PCDH15: variants seen among roughly 807,000 people sequenced by gnomAD.
The protein encoded by PCDH15 is protocadherin-15.
Under a neutral mutation model 178.5 loss-of-function variants are expected in PCDH15, and 129 were observed. That is an observed-to-expected ratio of 0.72 (90% CI 0.63 to 0.84). The LOEUF (loss-of-function observed/expected upper bound fraction) is 0.84, where lower values mean the gene tolerates loss of function less well. Ranked by LOEUF, PCDH15 falls within the 40% of genes least tolerant of loss-of-function variation. The pLI, the probability that PCDH15 is intolerant of heterozygous loss-of-function variation, is 0.00. For synonymous variants in PCDH15, 800 were observed against 732.0 expected (o/e 1.09, Z -1.50); for missense variants, 2,230 against 2,099.9 (o/e 1.06, Z -1.21).
At chr10:54,546,300 G>T (rs1269801036) in intron 2 of PCDH15, among the ~76,000 whole-genome samples, 3 of 152,138 alleles carry the variant, frequency 2.0e-5, no homozygotes, top group Non-Finnish European at 2.9e-5. Flanking sequence ...AATAAATTTT[G>T]ATGGGATGAG....
intron 26 of PCDH15, among the ~76,000 whole-genome samples, chr10:53,898,135 T>A (rs1292091074): frequency 9.8e-6 from 1 of 101,604 alleles, no homozygotes; most frequent in African/African-American, 4.4e-5. Context: ...CCTGGCTAAT[T>A]TTTTGTATTT....
intron 3 of PCDH15, among the ~76,000 whole-genome samples, chr10:54,441,324 C>G (rs1164283484): frequency 6.6e-6 from 1 of 151,930 alleles, no homozygotes; most frequent in Non-Finnish European, 1.5e-5. Flanking sequence ...AATCATGAGA[C>G]TGCTGGAACT....
At chr10:54,579,715 T>G (rs1348607681) in intron 2 of PCDH15, among the ~76,000 whole-genome samples, 2 of 151,940 alleles carry the variant, frequency 1.3e-5, no homozygotes, top group African/African-American at 4.8e-5. Context: ...ACTCTAAGGG[T>G]GACCACATGC....
intron 6 of PCDH15, among the ~76,000 whole-genome samples, chr10:54,341,307 T>A (rs151149289): frequency 6.6e-6 from 1 of 152,286 alleles, no homozygotes; most frequent in African/African-American, 2.4e-5. Flanking sequence ...TCCCCCATGC[T>A]GTTCTCCCGA....
At chr10:54,140,472 CT>C (rs546498025) in intron 14 of PCDH15, among the ~76,000 whole-genome samples, 2,423 of 144,744 alleles carry the variant, frequency 0.017, 72 homozygotes, top group African/African-American at 0.056. Context: ...TTTATTTCTG[CT>C]TTTTTTTTTT....
At chr10:54,038,366 G>C (rs564953846) in intron 18 of PCDH15, among the ~76,000 whole-genome samples, 1 of 151,978 alleles carries the variant, frequency 6.6e-6, no homozygotes, top group East Asian at 1.9e-4. Flanking sequence ...GAGATTAGTT[G>C]CAAGAGTTTT....
At chr10:53,871,319 T>C (rs1382670134) in intron 26 of PCDH15, among the ~76,000 whole-genome samples, 1 of 152,012 alleles carries the variant, frequency 6.6e-6, no homozygotes, top group African/African-American at 2.4e-5. Flanking sequence ...CCAGCCTGGG[T>C]GACAGAGCGA....
chr10:54,498,229 A>G (rs2080318118), intron 3 of PCDH15, among the ~76,000 whole-genome samples: 1 of 152,176 alleles, frequency 6.6e-6, no homozygotes, highest in Non-Finnish European at 1.5e-5. Context: ...TGAAGGATGA[A>G]TAAAATCTTT....
intron 33 of PCDH15, among the ~76,000 whole-genome samples, chr10:53,819,321 A>ATAGAT (rs2076172705): frequency 6.6e-6 from 1 of 152,038 alleles, no homozygotes; most frequent in African/African-American, 2.4e-5. Flanking sequence ...TAAAATATCA[A>ATAGAT]TAGATAAACT....
chr10:54,999,259 C>A (rs531612477), intron 2 of PCDH15, among the ~76,000 whole-genome samples: 1 of 152,138 alleles, frequency 6.6e-6, no homozygotes, highest in South Asian at 2.1e-4. Context: ...CTCTGATGAC[C>A]TAGAGAGCTT....
intron 3 of PCDH15, among the ~76,000 whole-genome samples, chr10:54,518,629 G>A (rs1470766532): frequency 6.6e-6 from 1 of 152,126 alleles, no homozygotes; most frequent in African/African-American, 2.4e-5. Context: ...TTCTACCAGA[G>A]GTACAAGGAG....
At chr10:54,978,482 C>T (rs1591816600) in intron 2 of PCDH15, among the ~76,000 whole-genome samples, 1 of 152,176 alleles carries the variant, frequency 6.6e-6, no homozygotes, top group East Asian at 1.9e-4. Flanking sequence ...CAAATTGTGC[C>T]TATTTGCATA....
intron 3 of PCDH15, among the ~76,000 whole-genome samples, chr10:54,848,975 C>T (rs1953562037): frequency 6.6e-6 from 1 of 152,182 alleles, no homozygotes; most frequent in South Asian, 2.1e-4. Flanking sequence ...GATCCATATG[C>T]CATTGATATG....
intron 2 of PCDH15, among the ~76,000 whole-genome samples, chr10:55,158,773 T>G (rs922416257): frequency 6.6e-6 from 1 of 151,584 alleles, no homozygotes; most frequent in Admixed American, 6.6e-5. Flanking sequence ...TCAGAGGCAC[T>G]TGATATATTT....
chr10:54,556,555 C>T (rs1432400521), intron 2 of PCDH15, among the ~76,000 whole-genome samples: 1 of 150,894 alleles, frequency 6.6e-6, no homozygotes, highest in East Asian at 1.9e-4. Context: ...TATAATCCAT[C>T]ACTCTGGAGA....
intron 2 of PCDH15, among the ~76,000 whole-genome samples, chr10:55,360,771 C>T (rs1845208368): frequency 6.6e-6 from 1 of 151,922 alleles, no homozygotes; most frequent in Non-Finnish European, 1.5e-5. Context: ...CTCTGGGTAA[C>T]ATTTTGACAG....
At position 54,359,842 on chromosome 10, in the gene PCDH15, C is replaced by G. The variant is rs11004254; in HGVS notation, c.474+9278G>C. Among the ~76,000 whole-genome samples the G allele has an allele frequency of 2.2e-3, 333 of 151,920 alleles. 11 individuals are homozygous for G. The East Asian group carries it at 0.053, about 24-fold the overall frequency. The stretch of plus-strand genomic sequence containing the variant: ...AAAGAAAAGCTAAAATATTTAAAAA[C>G]TCATTGTTTAAAATTAAGAGCTAAT... On this transcript the variant is annotated intron_variant, in intron 5 of 37. Transcript: ENST00000644397.
chr10:55,363,787 C>A (rs1845288956), intron 2 of PCDH15, among the ~76,000 whole-genome samples: 1 of 151,970 alleles, frequency 6.6e-6, no homozygotes, highest in Non-Finnish European at 1.5e-5. Context: ...AGGCATGCAC[C>A]ACCACACCCC....
chr10:55,298,135 G>A lies in PCDH15; in HGVS notation c.-156+21464C>T, dbSNP rs1843181104. 2.0e-5 allele frequency among the ~76,000 whole-genome samples: 3 copies of A among 152,104 alleles called. No individual in the cohort carries two copies. The South Asian group carries it at 6.2e-4, about 31-fold the overall frequency. ...TGGGAAAAGATGGCCAGGAATCATTGGATTAGAGAAAAAGCCTTTAATATC... is the reference window on the plus strand; with the variant it reads ...TGGGAAAAGATGGCCAGGAATCATTAGATTAGAGAAAAAGCCTTTAATATC... On this transcript the variant is annotated intron_variant, in intron 1 of 5. Coordinates refer to the PCDH15 transcript ENST00000458638.
Sources: gnomAD v4.1 joint callset for allele counts (sites outside exome capture counted in the v4.1 genomes callset) on GRCh38, gnomAD v4.1.1 for gene constraint, MANE v1.5 for transcripts, NCBI Gene and HGNC (gene_info 2026-07-23, HGNC 2026-07-21) for gene names.